The following CACNB2 variants were observed in gnomAD, a reference collection of about 807,000 sequenced individuals.
CACNB2 encodes voltage-dependent L-type calcium channel subunit beta-2.
CACNB2 carries 42 observed loss-of-function variants against 73.3 expected under a neutral mutation model. The observed-to-expected ratio is 0.57, with a 90% CI of 0.45 to 0.74. The LOEUF (loss-of-function observed/expected upper bound fraction) is 0.74, where lower values mean the gene tolerates loss of function less well. CACNB2 is among the 30% of genes least tolerant of loss of function. The pLI is 0.00. For synonymous variants in CACNB2, 348 were observed against 310.3 expected (o/e 1.12, Z -1.28); for missense variants, 940 against 853.0 (o/e 1.10, Z -1.27).
intron 3 of CACNB2, among the ~76,000 whole-genome samples, chr10:18,484,167 G>A (rs1287046370): frequency 6.6e-6 from 1 of 152,184 alleles, no homozygotes; most frequent in African/African-American, 2.4e-5. Flanking sequence ...GCCAAGGCGG[G>A]CAGATCACTT....
intron 2 of CACNB2, among the ~76,000 whole-genome samples, chr10:18,345,853 A>G (rs1228978191): frequency 6.6e-6 from 1 of 152,204 alleles, no homozygotes; most frequent in Non-Finnish European, 1.5e-5. Context: ...TTATTCAGAT[A>G]TCTCACTTAT....
chr10:18,316,839 G>T (rs78357670), intron 2 of CACNB2, among the ~76,000 whole-genome samples: 13,113 of 152,108 alleles, frequency 0.086, 725 homozygotes, highest in Non-Finnish European at 0.12. Flanking sequence ...TGTCCTTTTT[G>T]TATTAGGATC....
At chr10:18,510,563 A>C (rs2050711020) in intron 6 of CACNB2, among the ~76,000 whole-genome samples, 1 of 152,226 alleles carries the variant, frequency 6.6e-6, no homozygotes, top group Non-Finnish European at 1.5e-5. Flanking sequence ...ATGGCTTCCC[A>C]AACTGCTGGG....
At chr10:18,309,881 A>G (rs1460940912) in intron 2 of CACNB2, among the ~76,000 whole-genome samples, 1 of 152,222 alleles carries the variant, frequency 6.6e-6, no homozygotes, top group Non-Finnish European at 1.5e-5. Flanking sequence ...TAAAAAGACT[A>G]TTGATAAGAT....
chr10:18,492,438 C>T (rs568609300), intron 3 of CACNB2, among the ~76,000 whole-genome samples: 5 of 152,058 alleles, frequency 3.3e-5, no homozygotes, highest in South Asian at 2.1e-4. Context: ...ATGGCCAACA[C>T]GGCAAAACCC....
chr10:18,486,491 C>G lies in CACNB2; in HGVS notation c.334-11864C>G, dbSNP rs1251254856. On this transcript the variant is annotated intron_variant, in intron 3 of 13. Transcript: ENST00000324631. ...TTCCTTTTCTAAACATTAACCACCTCTCTGACAAGAGCCTGTGGGCCTCCA... is the reference window on the plus strand; with the variant it reads ...TTCCTTTTCTAAACATTAACCACCTGTCTGACAAGAGCCTGTGGGCCTCCA... Among the ~76,000 whole-genome samples the G allele has an allele frequency of 3.9e-5, 6 of 152,212 alleles. No individual in the cohort carries two copies. The East Asian group carries it at 1.2e-3, about 29-fold the overall frequency.
intron 2 of CACNB2, among the ~76,000 whole-genome samples, chr10:18,246,634 GC>G (rs2036870937): frequency 6.6e-6 from 1 of 152,136 alleles, no homozygotes; most frequent in Non-Finnish European, 1.5e-5. Flanking sequence ...AGGCTGGAGT[GC>G]AGTGGTGCGA....
At chr10:18,433,968 A>G (rs1275610359) in intron 3 of CACNB2, among the ~76,000 whole-genome samples, 1 of 152,194 alleles carries the variant, frequency 6.6e-6, no homozygotes, top group African/African-American at 2.4e-5. Context: ...ACTGTGCTAC[A>G]GTATTCCTAT....
chr10:18,272,153 A>C (rs1230215074), intron 2 of CACNB2, among the ~76,000 whole-genome samples: 2 of 152,028 alleles, frequency 1.3e-5, no homozygotes, highest in East Asian at 3.9e-4. Context: ...TCTTTGGAGC[A>C]GATATGATAT....
In CACNB2 at chr10:18,539,771, T is replaced by A. The variant is rs1221052025; in HGVS notation, c.*47T>A. ...TTTTTTTTTTTTTTGAAGTCTTGTA[T>A]AACTAACAGCATCCCCAAAACAAAG... is the stretch of plus-strand genomic sequence containing the variant. On this transcript the variant is annotated 3_prime_UTR_variant, in exon 14 of 14. Coordinates refer to ENST00000324631, the MANE Select transcript of CACNB2 (RefSeq NM_201596.3). 5.1e-6 allele frequency: 8 copies of A among 1,555,992 alleles called. No homozygotes were observed. The highest frequency in any genetic ancestry group is 6.1e-6 in the Non-Finnish European group (7 of 1,154,226).
At chr10:18,502,418 C>T (rs950289549) in intron 5 of CACNB2, among the ~76,000 whole-genome samples, 9 of 151,110 alleles carry the variant, frequency 6.0e-5, no homozygotes, top group Admixed American at 2.6e-4. Flanking sequence ...GGGCCACGTG[C>T]GGTGGCTCAC....
chr10:18,188,986 G>T (rs2034277350), intron 2 of CACNB2, among the ~76,000 whole-genome samples: 1 of 152,018 alleles, frequency 6.6e-6, no homozygotes, highest in African/African-American at 2.4e-5. Flanking sequence ...TTGAGACAGG[G>T]TCTCACTCTG....
intron 2 of CACNB2, among the ~76,000 whole-genome samples, chr10:18,286,239 G>T (rs1168371337): frequency 2.0e-5 from 3 of 151,982 alleles, no homozygotes; most frequent in Admixed American, 6.6e-5. Context: ...TTATGCTGCC[G>T]GGCGCAGTGG....
At chr10:18,262,729 GT>G (rs2037611673) in intron 2 of CACNB2, among the ~76,000 whole-genome samples, 2 of 152,112 alleles carry the variant, frequency 1.3e-5, no homozygotes, top group African/African-American at 4.8e-5. Flanking sequence ...AGCTTTCTGT[GT>G]TTCTGTTTAT....
chr10:18,533,651 G>A (rs1249299014), intron 10 of CACNB2, among the ~76,000 whole-genome samples: 1 of 152,178 alleles, frequency 6.6e-6, no homozygotes, highest in Non-Finnish European at 1.5e-5. Flanking sequence ...CAGGTGACAT[G>A]TAAACATAGA....
intron 2 of CACNB2, among the ~76,000 whole-genome samples, 190 bp from the exon 3 acceptor site, chr10:18,401,734 C>T: frequency 6.6e-6 from 1 of 152,272 alleles, no homozygotes; most frequent in South Asian, 2.1e-4. Context: ...TCAGTAGACA[C>T]AACTATTCTA....
intron 2 of CACNB2, among the ~76,000 whole-genome samples, chr10:18,398,380 T>C (rs2043818216): frequency 6.6e-6 from 1 of 152,188 alleles, no homozygotes; most frequent in African/African-American, 2.4e-5. Context: ...AAAAATATTT[T>C]GAGGCTGGGT....
At chr10:18,142,985 G>C (rs2030577603) in intron 1 of CACNB2, among the ~76,000 whole-genome samples, 1 of 152,250 alleles carries the variant, frequency 6.6e-6, no homozygotes, top group Non-Finnish European at 1.5e-5. Flanking sequence ...GATTACACCA[G>C]ATATTTTTGA....
chr10:18,375,753 A>G (rs1290144703), intron 2 of CACNB2, among the ~76,000 whole-genome samples: 2 of 152,196 alleles, frequency 1.3e-5, no homozygotes, highest in Non-Finnish European at 1.5e-5. Flanking sequence ...GCCTGTGTCT[A>G]CAGTTGAAGG....
Sources: allele counts gnomAD v4.1 joint callset (sites outside exome capture counted in the v4.1 genomes callset), GRCh38; gene constraint gnomAD v4.1.1; transcripts MANE v1.5; gene names NCBI Gene and HGNC (gene_info 2026-07-23, HGNC 2026-07-21).